The following ANGPTL6 variants were observed in gnomAD, a reference collection of about 807,000 sequenced individuals.
The protein encoded by ANGPTL6 is angiopoietin-related protein 6.
A neutral mutation model predicts 47.4 loss-of-function variants in ANGPTL6; 45 were observed. The ratio of observed to expected loss-of-function variants is 0.95; its 90% CI spans 0.75 to 1.22. The LOEUF (loss-of-function observed/expected upper bound fraction) is 1.22, where lower values mean the gene tolerates loss of function less well. ANGPTL6 is among the 50% of genes most tolerant of loss of function. The pLI is 0.00. For missense variants in ANGPTL6, 698 were observed against 669.4 expected (o/e 1.04, Z -0.47); for synonymous variants, 290 against 295.9 (o/e 0.98, Z 0.20).
chr19:10,102,071 G>A (rs868497747), intron 1 of ANGPTL6, among the ~76,000 whole-genome samples: 14 of 143,016 alleles, frequency 9.8e-5, no homozygotes, highest in African/African-American at 2.9e-4. Context: ...AGCTGAGATC[G>A]CGCCACTGCA....
In ANGPTL6 at chr19:10,102,073, G is replaced by A. The variant is rs538662879; in HGVS notation, c.-11+495C>T. ...GGAGCTTGCAGTGAGCTGAGATCGC[G>A]CCACTGCACTCCAGCCTGGGTGACA... On this transcript the variant is annotated intron_variant, in intron 1 of 5. Coordinates refer to ENST00000253109, the MANE Select transcript of ANGPTL6 (RefSeq NM_031917.3). Among the ~76,000 whole-genome samples the A allele has an allele frequency of 4.5e-4, 61 of 135,444 alleles. 1 individual carries two copies. Among genetic ancestry groups the A allele is most frequent in the Middle Eastern group, 4.3e-3 (1 of 234 alleles). The allele number at this position is 135,444 out of a possible 152,430, so 88.9% of individuals were successfully genotyped here. A position where few individuals can be genotyped will look rare whatever the true frequency, so the allele number is the denominator to read the frequency against.
chr19:10,092,609 T>G lies in ANGPTL6; in HGVS notation c.1393A>C (p.Ile465Leu), dbSNP rs2088416165. 2.5e-6 allele frequency: 4 copies of G among 1,608,592 alleles called. No individual in the cohort carries two copies. In the East Asian group the frequency reaches 8.9e-5, roughly 36 times the overall value. ...CAGAGTCACAGCTTCAGGGGCCGAA[T>G]GAGCATGGCGGCCTTCCTGAGAGAA... ...AYSLRKAAMLIRPLKL is the reference protein window; with the variant it reads ...AYSLRKAAMLLRPLKL The change falls in exon 6 of 6, where the codon ATT becomes CTT. Residue 465 changes from isoleucine to leucine, a missense_variant. By Grantham distance (5) the Ile-to-Leu change is conservative. Transcript: ENST00000253109.
rs2088476173 is a variant in ANGPTL6, at chr19:10,094,394, C to A, written c.763+364G>T. ...ATCTCCTGACCTCGTGATCCACCCG[C>A]CTCGGCCTCCCAAAGTGCTGGGATT... On this transcript the variant is annotated intron_variant, in intron 3 of 5. Transcript: ENST00000253109. 5 of 285,334 alleles carry A rather than the reference C, an allele frequency of 1.8e-5. No homozygotes were observed. In the Middle Eastern group the frequency reaches 5.0e-3, roughly 283 times the overall value. 17.7% of individuals were successfully genotyped at this position (285,334 alleles called of 1,614,324 possible).
chr19:10,101,920 ACAGTG>A, intron 1 of ANGPTL6, among the ~76,000 whole-genome samples: 1 of 148,112 alleles, frequency 6.8e-6, no homozygotes, highest in African/African-American at 2.5e-5. Flanking sequence ...CCTGGCTAAC[ACAGTG>A]AAATTCCGTC....
chr19:10,101,082 G>A (rs796865390), intron 1 of ANGPTL6, among the ~76,000 whole-genome samples: 17 of 152,214 alleles, frequency 1.1e-4, no homozygotes, highest in African/African-American at 2.6e-4. Context: ...AGTGGCACGC[G>A]CCTGTAGTCT....
At chr19:10,092,933 G>C in intron 5 of ANGPTL6, 154 bp from the exon 6 acceptor site, 1 of 597,104 alleles carries the variant, frequency 1.7e-6, no homozygotes. Context: ...AAAAATAGGA[G>C]CCCTGGCCCC....
intron 1 of ANGPTL6, among the ~76,000 whole-genome samples, chr19:10,100,317 C>G (rs2088650819): frequency 6.6e-6 from 1 of 152,040 alleles, no homozygotes; most frequent in Admixed American, 6.6e-5. Flanking sequence ...AATCATAGCT[C>G]ACTGTAGCCT....
At chr19:10,106,168 C>T (rs1487645058), upstream of ANGPTL6, 11 of 728,238 alleles carry the variant, frequency 1.5e-5, no homozygotes, top group Admixed American at 6.6e-5. Flanking sequence ...GGATTCGTTT[C>T]TCTGCAGCCC....
intron 5 of ANGPTL6, 73 bp downstream of exon 5, chr19:10,093,276 C>T: frequency 1.3e-6 from 2 of 1,544,332 alleles, no homozygotes; most frequent in Non-Finnish European, 1.8e-6. Context: ...CCTACCCTAC[C>T]TCCTTTCATT....
chr19:10,096,206 G>A lies in ANGPTL6; in HGVS notation c.358C>T (p.Pro120Ser). 8.2e-7 allele frequency: 1 copy of A among 1,219,138 alleles called. No individual in the cohort carries two copies. Among genetic ancestry groups the A allele is most frequent in the South Asian group, 3.7e-5 (1 of 27,124 alleles). 75.5% of individuals were successfully genotyped at this position (1,219,138 alleles called of 1,614,324 possible). Residue 120 changes from proline (P) to serine (S), a missense_variant, in exon 2 of 6, where the codon CCC (proline) becomes TCC (serine). Physicochemically the swap from Pro to Ser is moderately conservative, Grantham distance 74 (BLOSUM62 -1). Coordinates refer to ENST00000253109, the MANE Select transcript of ANGPTL6 (RefSeq NM_031917.3). Reference protein sequence around the residue: ...LRAQLQHEAGPGAGPGADLGA... With the variant: ...LRAQLQHEAGSGAGPGADLGA... Reference sequence around the variant, plus strand: ...AGATCCGCCCCCGGGCCCGCCCCGGGCCCCGCCTCGTGCTGCAGCTGCGCG... The same window carrying A: ...AGATCCGCCCCCGGGCCCGCCCCGGACCCCGCCTCGTGCTGCAGCTGCGCG...
chr19:10,101,804 CAA>C (rs1019332736), intron 1 of ANGPTL6, among the ~76,000 whole-genome samples: 19 of 54,096 alleles, frequency 3.5e-4, no homozygotes, highest in South Asian at 6.3e-4. Context: ...GAGCAAGGCT[CAA>C]AAAAAAAAAA....
At chr19:10,104,595 A>G (rs75975122), upstream of ANGPTL6, among the ~76,000 whole-genome samples, 5,949 of 152,236 alleles carry the variant, frequency 0.039, 153 homozygotes, top group Non-Finnish European at 0.059. Context: ...ACCTATCCTA[A>G]TATATAACCA....
chr19:10,103,844 C>T (rs889467693), upstream of ANGPTL6, among the ~76,000 whole-genome samples: 35 of 150,488 alleles, frequency 2.3e-4, 1 homozygote, highest in Admixed American at 1.5e-3. Flanking sequence ...CCTGTAATCC[C>T]AGCACTTTGG....
chr19:10,096,646 G>T, intron 1 of ANGPTL6, 73 bp from the exon 2 acceptor site: 5 of 1,200,120 alleles, frequency 4.2e-6, no homozygotes, highest in Non-Finnish European at 5.5e-6. Context: ...TCCACGCGGG[G>T]ATGCGCGCGT....
chr19:10,092,774 A>C lies in ANGPTL6; in HGVS notation c.1228T>G (p.Cys410Gly), dbSNP rs767831752. The change falls in exon 6 of 6, where the codon TGT becomes GGT. Residue 410 changes from cysteine (C) to glycine (G), a missense_variant. Transcript: ENST00000253109. ...CAGCCTCCCCGCTGGTACAGGGCAC[A>C]GTTACCTGAGGGGAGAGAGAGAGTC... ...DRDRDSYSGN[C>G]ALYQRGGWWY... The C allele has an allele frequency of 6.3e-7, 1 of 1,598,060 alleles. No homozygotes were observed. Among genetic ancestry groups the C allele is most frequent in the Non-Finnish European group, 8.6e-7 (1 of 1,167,738 alleles).
chr19:10,101,543 C>A (rs1045000419), intron 1 of ANGPTL6, among the ~76,000 whole-genome samples: 1 of 151,878 alleles, frequency 6.6e-6, no homozygotes, highest in African/African-American at 2.4e-5. Flanking sequence ...CACGGTGGCT[C>A]ACGCCTGTAA....
Position 10,094,950 on chromosome 19 carries a change from G to A in ANGPTL6, c.583-12C>T. The A allele has an allele frequency of 6.3e-7, 1 of 1,593,504 alleles. No individual in the cohort carries two copies. Among genetic ancestry groups the A allele is most frequent in the Non-Finnish European group, 8.6e-7 (1 of 1,168,598 alleles). On this transcript the variant is annotated splice_polypyrimidine_tract_variant and intron_variant, in intron 2 of 5. Transcript: ENST00000253109. ...GGTGGCGGCAGGACCTGGGGTGACG[G>A]AGAAAGTCAGGTGTAATTGCACTAA...
intron 1 of ANGPTL6, among the ~76,000 whole-genome samples, chr19:10,098,301 A>C (rs552605480): frequency 6.6e-6 from 1 of 152,132 alleles, no homozygotes; most frequent in African/African-American, 2.4e-5. Flanking sequence ...GCAGTGAGCT[A>C]TGATCGCAGC....
In ANGPTL6 at chr19:10,094,937, A is replaced by T; in HGVS notation, c.584T>A (p.Val195Asp). 1 of 1,599,948 alleles carries T rather than the reference A, an allele frequency of 6.3e-7. No homozygotes were observed. Among genetic ancestry groups the T allele is most frequent in the African/African-American group, 1.3e-5 (1 of 74,410 alleles). ...AGGCACCAGTGGGGGTGGCGGCAGG[A>T]CCTGGGGTGACGGAGAAAGTCAGGT... ...CPGGAGGQQQ[V>D]LPPPPLVPVV... is the part of the protein sequence containing the mutation. Residue 195 changes from valine (V) to aspartate (D), a missense_variant and splice_region_variant, in exon 3 of 6, where the codon GTC becomes GAC. By Grantham distance (152) the Val-to-Asp change is radical. Coordinates refer to ENST00000253109, the MANE Select transcript of ANGPTL6 (RefSeq NM_031917.3).
Sources: allele counts gnomAD v4.1 joint callset (sites outside exome capture counted in the v4.1 genomes callset), GRCh38; gene constraint gnomAD v4.1.1; transcripts MANE v1.5; gene names NCBI Gene and HGNC (gene_info 2026-07-23, HGNC 2026-07-21).